Variants in CDHR5 observed in about 807,000 individuals in gnomAD.
The protein encoded by CDHR5 is cadherin related family member 5.
A neutral mutation model predicts 69.5 loss-of-function variants in CDHR5; 82 were observed. The observed-to-expected ratio is 1.18, with a 90% confidence interval of 0.99 to 1.42. CDHR5 has a LOEUF of 1.42. CDHR5 is among the 40% of genes most tolerant of loss of function. The probability of loss-of-function intolerance (pLI) is 0.00; values close to 1 mark genes in which losing one functional copy is unlikely to be tolerated. For synonymous variants in CDHR5, 601 were observed against 510.2 expected, an observed-to-expected ratio of 1.18 and a Z score of -2.40; for missense variants, 1,293 against 1,168.9, an observed-to-expected ratio of 1.11 and a Z score of -1.55.
chr11:617,182 C>T lies in CDHR5; in HGVS notation c.*169G>A, dbSNP rs1007269649. On this transcript the variant is annotated 3_prime_UTR_variant, in exon 15 of 15. Transcript: ENST00000397542. ...CCTCATCTGCACACCTGGGCTCAAG[C>T]GCTAATGACGACAGGGGACTGAGTG... The T allele has an allele frequency of 8.1e-6, 5 of 614,508 alleles. No homozygotes were observed. The highest frequency in any genetic ancestry group is 4.0e-5 in the South Asian group (2 of 49,554). 38.1% of individuals were successfully genotyped at this position (614,508 alleles called of 1,614,324 possible).
At chr11:620,868 C>A (rs1388770513) in intron 7 of CDHR5, among the ~76,000 whole-genome samples, 1 of 152,164 alleles carries the variant, frequency 6.6e-6, no homozygotes, top group Non-Finnish European at 1.5e-5. Flanking sequence ...GGGGCCCACG[C>A]TCCTCCCTGT....
chr11:618,833 G>T lies in CDHR5; in HGVS notation c.1726C>A (p.Pro576Thr). The T allele has an allele frequency of 6.2e-7, 1 of 1,608,428 alleles. No individual in the cohort carries two copies. Among genetic ancestry groups the T allele is most frequent in the Admixed American group, 1.7e-5 (1 of 59,336 alleles). ...PSGGTAQTPE[P>T]GTSQPMPPSM... is the part of the protein sequence containing the mutation. ...GGGGGCATCGGCTGAGAGGTTCCTG[G>T]CTCTGGGGTCTGTGCTGTGCCCCCA... The change falls in exon 13 of 15, where the codon CCA becomes ACA. Residue 576 changes from proline (P) to threonine (T), a missense_variant. Pro to Thr is a conservative substitution (Grantham distance 38). Transcript: ENST00000397542.
chr11:621,288 A>G lies in CDHR5; in HGVS notation c.619-38T>C, dbSNP rs1317029372. 1.2e-6 allele frequency: 2 copies of G among 1,610,484 alleles called. No individual in the cohort carries two copies. Among genetic ancestry groups the G allele is most frequent in the Non-Finnish European group, 1.7e-6 (2 of 1,177,984 alleles). ...GCTGTGCTGGATCAGGCCTGGGAGC[A>G]GCTGGGGCCGGGGGGCCTCAAGTGT... On this transcript the variant is annotated intron_variant, in intron 6 of 14. Coordinates refer to ENST00000397542, the MANE Select transcript of CDHR5 (RefSeq NM_021924.5). The surrounding 1 kb of genome is among the most constrained non-coding windows in gnomAD (Gnocchi z 4.4).
rs958637885 is a variant in CDHR5, at chr11:619,774, G to A, written c.1086C>T (p.Thr362=). ...CGCCCGCTCCAGCGCCACGCGCCAC[G>A]GTGCCACGATACAGTCTCTGGGGGA... is the stretch of plus-strand genomic sequence containing the variant. ...PRFPQRLYRG[T]VARGAGAGVV... The change falls in exon 10 of 15, where the codon ACC becomes ACT. Residue 362 remains threonine, a synonymous_variant. Transcript: ENST00000397542. 31 of 1,610,332 alleles carry A rather than the reference G, an allele frequency of 1.9e-5. No homozygotes were observed. The highest frequency in any genetic ancestry group is 6.7e-5 in the East Asian group (3 of 44,874).
intron 3 of CDHR5, among the ~76,000 whole-genome samples, chr11:623,277 C>A (rs1857528539): frequency 1.3e-5 from 2 of 152,134 alleles, no homozygotes; most frequent in Admixed American, 1.3e-4. Flanking sequence ...CCACTGCACG[C>A]CAGCCTGGGT....
chr11:618,498 A>G, intron 13 of CDHR5, 101 bp downstream of exon 13: 1 of 1,388,236 alleles, frequency 7.2e-7, no homozygotes. Flanking sequence ...TTGGGATTTC[A>G]TGGTCAGGCC....
rs186854698 is a variant in CDHR5 at position 617,375 on chromosome 11, G to C, written c.2514C>G (p.Pro838=). The C allele has an allele frequency of 6.2e-7, 1 of 1,608,508 alleles. No individual in the cohort carries two copies. Among genetic ancestry groups the C allele is most frequent in the Non-Finnish European group, 8.5e-7 (1 of 1,177,232 alleles). Residue 838 remains proline, a synonymous_variant, in exon 15 of 15, where the codon CCC becomes CCG. Coordinates refer to ENST00000397542, the MANE Select transcript of CDHR5 (RefSeq NM_021924.5). ...CTTAGATGTAGGAGTCATCACCACC[G>C]GGCGCATCGTAGGGACCCCCACCCC... is the stretch of plus-strand genomic sequence containing the variant. The part of the protein sequence containing the change: ...AGRGGGPYDA[P]GGDDSYI
At position 618,903 on chromosome 11, in the gene CDHR5, G is replaced by A. The variant is rs1350212427; in HGVS notation, c.1656C>T (p.Pro552=). The change falls in exon 13 of 15, where the codon CCC becomes CCT. Residue 552 remains proline, a synonymous_variant. Coordinates refer to ENST00000397542, the MANE Select transcript of CDHR5 (RefSeq NM_021924.5). ...TPKPGTSQPM[P]PGVGTSTSHQ... is the part of the protein sequence containing the mutation. ...GGGAGGTGCTGGTTCCCACACCGGGGGGCATCGGCTGAGAGGTTCCTGGCT... is the reference window on the plus strand; with the variant it reads ...GGGAGGTGCTGGTTCCCACACCGGGAGGCATCGGCTGAGAGGTTCCTGGCT... 1.2e-6 allele frequency: 2 copies of A among 1,609,492 alleles called. No homozygotes were observed. The highest frequency in any genetic ancestry group is 2.2e-5 in the South Asian group (2 of 90,964).
chr11:618,397 C>T (rs1275268950), intron 13 of CDHR5, among the ~76,000 whole-genome samples: 3 of 152,356 alleles, frequency 2.0e-5, no homozygotes, highest in Non-Finnish European at 4.4e-5. Flanking sequence ...CGCTGGACCC[C>T]ACATCTGGCC....
chr11:620,601 C>G (rs537365633), intron 7 of CDHR5, among the ~76,000 whole-genome samples: 2 of 152,282 alleles, frequency 1.3e-5, no homozygotes, highest in East Asian at 3.9e-4. Flanking sequence ...AGTCCAGTGG[C>G]CCAAAGATAC....
In CDHR5 at chr11:619,070, C is replaced by G; in HGVS notation, c.1489G>C (p.Gly497Arg). 6.2e-7 allele frequency: 1 copy of G among 1,612,528 alleles called. No individual in the cohort carries two copies. Among genetic ancestry groups the G allele is most frequent in the Non-Finnish European group, 8.5e-7 (1 of 1,179,680 alleles). ...PSQGPSTTSS[G>R]GGTGPHPPSG... Reference sequence around the variant, plus strand: ...GGTGGATGAGGGCCTGTGCCTCCCCCAGAGCTGGTCGTGGAGGGTCCCTGG... The same window carrying G: ...GGTGGATGAGGGCCTGTGCCTCCCCGAGAGCTGGTCGTGGAGGGTCCCTGG... Residue 497 changes from glycine (G) to arginine (R), a missense_variant, in exon 13 of 15, where the codon GGG (glycine) becomes CGG (arginine). By Grantham distance (125) the Gly-to-Arg change is moderately radical (BLOSUM62 -2). Transcript: ENST00000397542.
In CDHR5 at chr11:624,817, C is replaced by T. The variant is rs150388299; in HGVS notation, c.85+1G>A. On this transcript the variant is annotated splice_donor_variant, in intron 1 of 14. Coordinates refer to ENST00000397542, the MANE Select transcript of CDHR5 (RefSeq NM_021924.5). LOFTEE classifies it high-confidence loss of function. This position sits in a 1 kb window ranked among gnomAD's most constrained non-coding sequence, Gnocchi z 5.3. ...CCCCACCTACCCCTGCCCGCACATACACTGGGCCTGGGCCATGGTCCCCGG... is the reference window on the plus strand; with the variant it reads ...CCCCACCTACCCCTGCCCGCACATATACTGGGCCTGGGCCATGGTCCCCGG... 4.2e-5 allele frequency: 67 copies of T among 1,609,836 alleles called. No individual in the cohort carries two copies. The African/African-American group carries it at 7.1e-4, about 17-fold the overall frequency.
chr11:618,584 CAG>C lies in CDHR5; in HGVS notation c.1960+13_1960+14del. 1 of 1,613,454 alleles carries C rather than the reference CAG, an allele frequency of 6.2e-7. No individual in the cohort carries two copies. Among genetic ancestry groups the C allele is most frequent in the South Asian group, 1.1e-5 (1 of 91,044 alleles). On this transcript the variant is annotated intron_variant, in intron 13 of 14. Transcript: ENST00000397542. ...GACCGGAGTCAGGGAGGGAAGGCAA[CAG>C]AGTGGGTGCTACCTGAAGATGGGGT...
chr11:619,758 C>T lies in CDHR5; in HGVS notation c.1102G>A (p.Gly368Arg), dbSNP rs772952111. ...GCATCCTTGACCACAACGCCCGCTC[C>T]AGCGCCACGCGCCACGGTGCCACGA... ...LYRGTVARGA[G>R]AGVVVKDAAA... Residue 368 changes from glycine (G) to arginine (R), a missense_variant, in exon 10 of 15, where the codon GGA (glycine) becomes AGA (arginine). Gly to Arg is a moderately radical substitution (Grantham distance 125). Coordinates refer to ENST00000397542, the MANE Select transcript of CDHR5 (RefSeq NM_021924.5). 1.2e-6 allele frequency: 2 copies of T among 1,611,692 alleles called. No individual in the cohort carries two copies. The highest frequency in any genetic ancestry group is 1.7e-6 in the Non-Finnish European group (2 of 1,179,954).
At position 621,544 on chromosome 11, in the gene CDHR5, A is replaced by T; in HGVS notation, c.507+18T>A. 1 of 1,602,034 alleles carries T rather than the reference A, an allele frequency of 6.2e-7. No homozygotes were observed. The highest frequency in any genetic ancestry group is 8.6e-7 in the Non-Finnish European group (1 of 1,169,234). On this transcript the variant is annotated intron_variant, in intron 5 of 14. Transcript: ENST00000397542. This position sits in a 1 kb window ranked among gnomAD's most constrained non-coding sequence, Gnocchi z 4.4. ...AGAGGCGAGGGGCTCGTGCTGGGGC[A>T]GGGTGGGCGGCACTGACTGCTGTCA...
intron 3 of CDHR5, among the ~76,000 whole-genome samples, chr11:622,879 C>T (rs549759035): frequency 6.6e-6 from 1 of 152,298 alleles, no homozygotes; most frequent in East Asian, 1.9e-4. Context: ...CCCGTGGTCT[C>T]TGAAGGGTTT....
Position 621,822 on chromosome 11 carries a change from C to G in CDHR5, c.395G>C (p.Arg132Thr). Reference protein sequence around the residue: ...PEFPFKTKEIRVEEDTKVNST... With the variant: ...PEFPFKTKEITVEEDTKVNST... ...CTTCGCTGGCCTCACCTCCTCCACCCTTATCTCCTTGGTCTTAAAGGGGAA... is the reference window on the plus strand; with the variant it reads ...CTTCGCTGGCCTCACCTCCTCCACCGTTATCTCCTTGGTCTTAAAGGGGAA... Residue 132 changes from arginine (R) to threonine (T), a missense_variant, in exon 4 of 15, where the codon AGG (arginine) becomes ACG (threonine). Arg to Thr is a moderately conservative substitution (Grantham distance 71, BLOSUM62 -1). Coordinates refer to ENST00000397542, the MANE Select transcript of CDHR5 (RefSeq NM_021924.5). This position sits in a 1 kb window ranked among gnomAD's most constrained non-coding sequence, Gnocchi z 4.4. 6.2e-7 allele frequency: 1 copy of G among 1,613,338 alleles called. No homozygotes were observed. The highest frequency in any genetic ancestry group is 8.5e-7 in the Non-Finnish European group (1 of 1,179,546).
intron 3 of CDHR5, among the ~76,000 whole-genome samples, chr11:622,678 T>G (rs1019099264): frequency 6.6e-5 from 10 of 151,786 alleles, no homozygotes; most frequent in African/African-American, 2.4e-4. Context: ...GTTTCACCAT[T>G]TTGGCCACAT....
chr11:624,354 T>TC lies in CDHR5; in HGVS notation c.262-92dup. On this transcript the variant is annotated intron_variant, in intron 2 of 14. Transcript: ENST00000397542. This position sits in a 1 kb window ranked among gnomAD's most constrained non-coding sequence, Gnocchi z 5.3. ...GGCAGGCGCTGGCCCAGGGTCCCCATCATCAGTGGTCAGTGCTGAGGGTGT... is the reference window on the plus strand; with the variant it reads ...GGCAGGCGCTGGCCCAGGGTCCCCATCCATCAGTGGTCAGTGCTGAGGGTGT... 1 of 732,682 alleles carries TC rather than the reference T, an allele frequency of 1.4e-6. No individual in the cohort carries two copies. Among genetic ancestry groups the TC allele is most frequent in the Non-Finnish European group, 2.5e-6 (1 of 397,300 alleles). 45.4% of individuals were successfully genotyped at this position (732,682 alleles called of 1,614,324 possible). A position where few individuals can be genotyped will look rare whatever the true frequency, so the allele number is the denominator to read the frequency against.
Sources: allele counts gnomAD v4.1 joint callset (sites outside exome capture counted in the v4.1 genomes callset), GRCh38; gene constraint gnomAD v4.1.1; non-coding constraint Gnocchi (gnomAD v3.1); transcripts MANE v1.5; gene names NCBI Gene and HGNC (gene_info 2026-07-23, HGNC 2026-07-21).